Variants in RELN observed in about 807,000 individuals in gnomAD.
RELN encodes reelin.
RELN carries 108 observed loss-of-function variants against 427.6 expected under a neutral mutation model. That is an observed-to-expected ratio of 0.25 (90% CI 0.22 to 0.30). RELN has a LOEUF of 0.30. RELN is among the 10% of genes least tolerant of loss of function. RELN has a pLI of 1.00. For synonymous variants in RELN, 1,524 were observed against 1,513.4 expected, an observed-to-expected ratio of 1.01 and a Z score of -0.16; for missense variants, 3,715 against 4,302.8, an observed-to-expected ratio of 0.86 and a Z score of 3.82.
At chr7:103,686,644 A>G (rs900791799) in intron 10 of RELN, among the ~76,000 whole-genome samples, 2 of 152,172 alleles carry the variant, frequency 1.3e-5, no homozygotes, top group African/African-American at 4.8e-5. Context: ...GAATTTCTGT[A>G]TTAAAGTGAG....
intron 51 of RELN, among the ~76,000 whole-genome samples, chr7:103,506,357 A>T (rs1396734020): frequency 6.6e-6 from 1 of 152,226 alleles, no homozygotes; most frequent in East Asian, 1.9e-4. Context: ...CTAACAGCAG[A>T]TCTCCCTGCA....
At chr7:103,605,799 C>T (rs181405232) in intron 22 of RELN, among the ~76,000 whole-genome samples, 2 of 152,264 alleles carry the variant, frequency 1.3e-5, no homozygotes, top group Non-Finnish European at 2.9e-5. Context: ...TGTTAAAATT[C>T]CGACTAAGCC....
In RELN at chr7:103,926,697, G is replaced by A. The variant is rs1019605215; in HGVS notation, c.227-9512C>T. Among the ~76,000 whole-genome samples, 8 of 143,520 alleles carry A rather than the reference G, an allele frequency of 5.6e-5. No homozygotes were observed. In the East Asian group the frequency reaches 1.2e-3, roughly 22 times the overall value. 94.2% of individuals were successfully genotyped at this position (143,520 alleles called of 152,430 possible). Reference sequence around the variant, plus strand: ...TCTCCCTCTGTCGCCCAGGCTAGAGGGCAGTGGCCTGATCTCAGCTCACTG... The same window carrying A: ...TCTCCCTCTGTCGCCCAGGCTAGAGAGCAGTGGCCTGATCTCAGCTCACTG... On this transcript the variant is annotated intron_variant, in intron 1 of 64. Transcript: ENST00000428762.
chr7:103,566,278 C>T lies in RELN; in HGVS notation c.4882G>A (p.Val1628Ile), dbSNP rs1436133395. Residue 1628 changes from valine to isoleucine, a missense_variant, in exon 33 of 65, where the codon GTT (valine) becomes ATT (isoleucine). Around this residue, in one of 4 missense-constraint regions of RELN, gnomAD observed 2,208 missense variants for 2,361.7 expected, o/e 0.93. Transcript: ENST00000428762. Reference protein sequence around the residue: ...ANWYRIQGGQVDIDCLSMDTA... With the variant: ...ANWYRIQGGQIDIDCLSMDTA... ...TCCATAGAGAGACAGTCAATATCAA[C>T]TTGACCTCCTTGGATTCGATACCAG... 13 of 1,613,870 alleles carry T rather than the reference C, an allele frequency of 8.1e-6. No homozygotes were observed. Among genetic ancestry groups the T allele is most frequent in the East Asian group, 6.7e-5 (3 of 44,876 alleles).
At chr7:103,742,896 C>G (rs554207414) in intron 6 of RELN, among the ~76,000 whole-genome samples, 1 of 152,020 alleles carries the variant, frequency 6.6e-6, no homozygotes, top group Admixed American at 6.6e-5. Flanking sequence ...CATTCAAATT[C>G]AGGAAATACA....
chr7:103,627,489 T>A (rs1832353852), intron 20 of RELN, among the ~76,000 whole-genome samples: 1 of 152,084 alleles, frequency 6.6e-6, no homozygotes, highest in South Asian at 2.1e-4. Context: ...ACTCACTGGC[T>A]AAGAAAATAG....
At chr7:103,975,580 C>T (rs1293064841) in intron 1 of RELN, among the ~76,000 whole-genome samples, 1 of 148,004 alleles carries the variant, frequency 6.8e-6, no homozygotes, top group Non-Finnish European at 1.5e-5. Context: ...CGGAGTCTCG[C>T]TCTGTCGCCC....
At chr7:103,743,282 C>T (rs11828356) in intron 6 of RELN, among the ~76,000 whole-genome samples, 44,904 of 152,038 alleles carry the variant, frequency 0.3, 7,534 homozygotes, top group Non-Finnish European at 0.38. Flanking sequence ...TGGAAAGGAA[C>T]AACCGGTACC....
chr7:103,784,179 G>A (rs1002975949), intron 3 of RELN, among the ~76,000 whole-genome samples: 4 of 152,142 alleles, frequency 2.6e-5, no homozygotes, highest in South Asian at 2.1e-4. Flanking sequence ...AATGAAAGGG[G>A]ACGTTGATTG....
chr7:103,604,407 T>C lies in RELN; in HGVS notation c.3085A>G (p.Ile1029Val). The C allele has an allele frequency of 2.5e-6, 4 of 1,613,954 alleles. No individual in the cohort carries two copies. The highest frequency in any genetic ancestry group is 1.1e-5 in the South Asian group (1 of 91,080). ...CACATGTTGGGGCACTGCTGCCCAA[T>C]GTAAATGCTGTCCAAAGCCCACTCG... ...QDEWALDSIY[I>V]GQQCPNMCSG... The change falls in exon 23 of 65, where the codon ATT (isoleucine) becomes GTT (valine). Residue 1029 changes from isoleucine to valine, a missense_variant. This residue lies in a region of RELN where 2,208 missense variants were observed against 2,361.7 expected (regional missense o/e 0.93). Coordinates refer to ENST00000428762, the MANE Select transcript of RELN (RefSeq NM_005045.4).
At chr7:103,477,883 T>G (rs547255759) in intron 64 of RELN, among the ~76,000 whole-genome samples, 7 of 152,326 alleles carry the variant, frequency 4.6e-5, no homozygotes, top group Admixed American at 3.9e-4. Flanking sequence ...ATACATCTAC[T>G]CCGTCTGCCA....
chr7:103,542,949 A>G, intron 42 of RELN, 71 bp from the exon 43 acceptor site: 5 of 1,453,514 alleles, frequency 3.4e-6, no homozygotes, highest in Admixed American at 1.7e-5. Context: ...TTTTAAAAGG[A>G]GTATGGTAAA....
intron 2 of RELN, among the ~76,000 whole-genome samples, chr7:103,887,439 T>C (rs978127990): frequency 1.3e-5 from 2 of 152,162 alleles, no homozygotes; most frequent in Non-Finnish European, 2.9e-5. Flanking sequence ...GAGGGAAGTT[T>C]GCATGGATGG....
At chr7:103,700,777 T>A (rs1056751958) in intron 9 of RELN, 133 bp downstream of exon 9, 1 of 706,836 alleles carries the variant, frequency 1.4e-6, no homozygotes, top group African/African-American at 1.8e-5. Flanking sequence ...TGTGCATCCA[T>A]AGAATTCAAC....
chr7:103,787,133 A>G (rs1792037762), intron 3 of RELN, among the ~76,000 whole-genome samples: 1 of 152,190 alleles, frequency 6.6e-6, no homozygotes. Flanking sequence ...ACAAATAAAT[A>G]AACTCTTTGA....
intron 28 of RELN, 46 bp downstream of exon 28, chr7:103,589,550 T>C (rs1333393963): frequency 1.6e-6 from 2 of 1,247,262 alleles, no homozygotes; most frequent in South Asian, 2.4e-5. Flanking sequence ...CATTTGGGAC[T>C]GTGTCTTTCT....
chr7:103,483,287 G>A (rs1309685298), intron 62 of RELN, among the ~76,000 whole-genome samples: 1 of 152,176 alleles, frequency 6.6e-6, no homozygotes, highest in Non-Finnish European at 1.5e-5. Flanking sequence ...ACAATGCAAA[G>A]CAAAACTGAC....
At chr7:103,675,410 A>G (rs1411377959) in intron 11 of RELN, among the ~76,000 whole-genome samples, 1 of 152,238 alleles carries the variant, frequency 6.6e-6, no homozygotes, top group Admixed American at 6.5e-5. Flanking sequence ...ATGGAAGAAC[A>G]TTCCATGCTC....
intron 6 of RELN, among the ~76,000 whole-genome samples, chr7:103,730,387 A>C (rs906925228): frequency 6.6e-6 from 1 of 152,066 alleles, no homozygotes; most frequent in Non-Finnish European, 1.5e-5. Context: ...ACTGTATAAA[A>C]GTGATGGCCT....
Sources: allele counts gnomAD v4.1 joint callset (sites outside exome capture counted in the v4.1 genomes callset), GRCh38; gene constraint gnomAD v4.1.1; regional missense constraint gnomAD v4.1.1; transcripts MANE v1.5; gene names NCBI Gene and HGNC (gene_info 2026-07-23, HGNC 2026-07-21).